WDPCP: variants seen among roughly 807,000 people sequenced by gnomAD.
WDPCP encodes WD repeat containing planar cell polarity effector.
In WDPCP, 71 loss-of-function variants were observed where a neutral mutation model predicts 93.1. The observed-to-expected ratio is 0.76, with a 90% CI of 0.63 to 0.93. WDPCP has a LOEUF of 0.93. Ranked by LOEUF, WDPCP falls within the 40% of genes least tolerant of loss-of-function variation. WDPCP has a pLI of 0.00. For missense variants in WDPCP, 844 were observed against 887.4 expected (o/e 0.95, Z 0.62); for synonymous variants, 315 against 315.0 (o/e 1.00, Z 0.00).
intron 1 of WDPCP, among the ~76,000 whole-genome samples, chr2:63,539,916 G>A (rs1454169916): frequency 6.6e-6 from 1 of 152,002 alleles, no homozygotes; most frequent in East Asian, 1.9e-4. Flanking sequence ...GCATTCTTTA[G>A]TACTTAATTT....
At chr2:63,771,548 A>T (rs1322695505) in intron 2 of WDPCP, among the ~76,000 whole-genome samples, 5 of 151,108 alleles carry the variant, frequency 3.3e-5, no homozygotes, top group Non-Finnish European at 5.9e-5. Flanking sequence ...TTTTTTTTTT[A>T]ATTTCAACTT....
upstream of WDPCP, chr2:63,588,514 A>T: frequency 3.3e-6 from 2 of 611,306 alleles, no homozygotes; most frequent in South Asian, 1.9e-5. Context: ...ATCGTTTTTT[A>T]AAAGATTTTG....
At chr2:63,216,748 A>C (rs1458630931) in intron 14 of WDPCP, among the ~76,000 whole-genome samples, 1 of 152,110 alleles carries the variant, frequency 6.6e-6, no homozygotes, top group Non-Finnish European at 1.5e-5. Context: ...AAAATAGTTA[A>C]TGTAGAACAT....
chr2:63,535,743 T>G (rs575803991), intron 1 of WDPCP, among the ~76,000 whole-genome samples: 1 of 152,284 alleles, frequency 6.6e-6, no homozygotes, highest in East Asian at 1.9e-4. Context: ...ATGTTAGACC[T>G]AAAACCATAA....
At chr2:63,642,751 C>T (rs1454280404) in intron 3 of WDPCP, 1 of 152,094 alleles carries the variant, frequency 6.6e-6, no homozygotes, top group African/African-American at 2.4e-5. Flanking sequence ...AATATAGGAT[C>T]ATATCATCTT....
At chr2:63,598,688 A>G (rs1007425344) in intron 3 of WDPCP, among the ~76,000 whole-genome samples, 3 of 152,194 alleles carry the variant, frequency 2.0e-5, no homozygotes, top group African/African-American at 7.2e-5. Flanking sequence ...AGAAAATAGT[A>G]TAAATGAGTT....
intron 2 of WDPCP, among the ~76,000 whole-genome samples, chr2:63,795,924 T>G (rs1350190574): frequency 6.6e-6 from 1 of 152,232 alleles, no homozygotes; most frequent in Non-Finnish European, 1.5e-5. Flanking sequence ...TATGTGTCCA[T>G]GTGCATCAGG....
chr2:63,318,070 A>G lies in WDPCP; in HGVS notation c.1749-4759T>C, dbSNP rs191189839. Among the ~76,000 whole-genome samples, 7 of 152,308 alleles carry G rather than the reference A, an allele frequency of 4.6e-5. No individual in the cohort carries two copies. The East Asian group carries it at 1.3e-3, about 29-fold the overall frequency. On this transcript the variant is annotated intron_variant, in intron 12 of 17. Coordinates refer to ENST00000272321, the MANE Select transcript of WDPCP (RefSeq NM_015910.7). ...CTATAAAGAATTTAAACAAATTAAC[A>G]GGCAAAAAACTTAAAACCCCATTAA...
chr2:63,435,785 C>G (rs1157208037), intron 8 of WDPCP, among the ~76,000 whole-genome samples: 1 of 151,934 alleles, frequency 6.6e-6, no homozygotes, highest in Admixed American at 6.6e-5. Flanking sequence ...AAATATTAAA[C>G]CAGGAAATGA....
At chr2:63,682,399 AG>A (rs1481656139) in intron 2 of WDPCP, among the ~76,000 whole-genome samples, 1 of 152,248 alleles carries the variant, frequency 6.6e-6, no homozygotes, top group Non-Finnish European at 1.5e-5. Context: ...GGCATACTGA[AG>A]AACGCATCAG....
chr2:63,307,434 C>A (rs906523120), intron 13 of WDPCP, among the ~76,000 whole-genome samples: 10 of 152,152 alleles, frequency 6.6e-5, no homozygotes, highest in African/African-American at 2.2e-4. Context: ...ATTGCCAAGA[C>A]AATCCTAAGC....
At chr2:63,408,672 C>T (rs1171273701) in intron 9 of WDPCP, among the ~76,000 whole-genome samples, 3 of 152,126 alleles carry the variant, frequency 2.0e-5, no homozygotes, top group South Asian at 2.1e-4. Context: ...AAGCCTGGCT[C>T]GCCCACTGCC....
At chr2:63,588,659 C>A, upstream of WDPCP, 1 of 481,178 alleles carries the variant, frequency 2.1e-6, no homozygotes, top group South Asian at 2.2e-5. Context: ...CCTAGAGTTA[C>A]ACACGCTATC....
intron 2 of WDPCP, among the ~76,000 whole-genome samples, chr2:63,779,051 C>T (rs1670348699): frequency 1.3e-5 from 2 of 152,092 alleles, no homozygotes; most frequent in Non-Finnish European, 2.9e-5. Flanking sequence ...TTCTTTGAAT[C>T]CCAATGTTGG....
intron 2 of WDPCP, among the ~76,000 whole-genome samples, chr2:63,711,219 C>T (rs185611533): frequency 4.7e-4 from 71 of 152,098 alleles, no homozygotes; most frequent in African/African-American, 1.6e-3. Flanking sequence ...GACAGCAGAG[C>T]TCTCCTGAAG....
At chr2:63,183,132 C>T (rs1156497871) in intron 14 of WDPCP, among the ~76,000 whole-genome samples, 2 of 151,894 alleles carry the variant, frequency 1.3e-5, no homozygotes, top group Non-Finnish European at 2.9e-5. Context: ...TTCACAATTT[C>T]ATTTACTTCT....
chr2:63,408,707 G>A (rs1385549574), intron 9 of WDPCP, among the ~76,000 whole-genome samples: 1 of 152,168 alleles, frequency 6.6e-6, no homozygotes, highest in Non-Finnish European at 1.5e-5. Context: ...GGACTGTTGT[G>A]TGAGGCAGTG....
intron 3 of WDPCP, among the ~76,000 whole-genome samples, chr2:63,604,112 C>T (rs1709483063): frequency 6.6e-6 from 1 of 152,188 alleles, no homozygotes; most frequent in Non-Finnish European, 1.5e-5. Context: ...CACACACATA[C>T]ACATATATAA....
intron 2 of WDPCP, among the ~76,000 whole-genome samples, chr2:63,725,803 G>A (rs1669488804): frequency 6.6e-6 from 1 of 152,166 alleles, no homozygotes; most frequent in Non-Finnish European, 1.5e-5. Context: ...GATTGGTGAT[G>A]TTGAGCATTT....
Sources: gnomAD v4.1 joint callset for allele counts (sites outside exome capture counted in the v4.1 genomes callset) on GRCh38, gnomAD v4.1.1 for gene constraint, MANE v1.5 for transcripts, NCBI Gene and HGNC (gene_info 2026-07-23, HGNC 2026-07-21) for gene names.